Variants in SEMA4D observed in about 807,000 individuals in gnomAD.
The protein encoded by SEMA4D is semaphorin-4D.
Under a neutral mutation model 74.8 loss-of-function variants are expected in SEMA4D, and 22 were observed. The observed-to-expected ratio is 0.29, with a 90% CI of 0.21 to 0.42. The LOEUF is 0.42. Ranked by LOEUF, SEMA4D falls within the 10% of genes least tolerant of loss-of-function variation. The pLI, the probability that SEMA4D is intolerant of heterozygous loss-of-function variation, is 1.00. For synonymous variants in SEMA4D, 445 were observed against 463.7 expected (o/e 0.96, Z 0.52); for missense variants, 937 against 1,118.4 (o/e 0.84, Z 2.31).
chr9:89,446,518 AAAC>A (rs1234599658), intron 2 of SEMA4D, among the ~76,000 whole-genome samples: 1 of 152,174 alleles, frequency 6.6e-6, no homozygotes, highest in Non-Finnish European at 1.5e-5. Flanking sequence ...GGGCTAAAGA[AAAC>A]AAGAAACACC....
chr9:89,396,597 C>T, intron 6 of SEMA4D, 140 bp downstream of exon 6: 1 of 716,242 alleles, frequency 1.4e-6, no homozygotes, highest in Non-Finnish European at 2.3e-6. Context: ...CCACAAGCTG[C>T]CCCCGTTTTC....
intron 1 of SEMA4D, among the ~76,000 whole-genome samples, chr9:89,463,240 C>T (rs941100461): frequency 1.3e-5 from 2 of 152,152 alleles, no homozygotes; most frequent in Non-Finnish European, 1.5e-5. Context: ...CTCCAAACCA[C>T]CTGCTACTAT....
intron 1 of SEMA4D, among the ~76,000 whole-genome samples, chr9:89,474,153 C>G (rs150002064): frequency 0.013 from 1,944 of 152,324 alleles, 35 homozygotes; most frequent in African/African-American, 0.044. Context: ...CCCACCTCCC[C>G]CTTTGGTTGC....
chr9:89,493,087 C>T (rs911164941), intron 1 of SEMA4D, among the ~76,000 whole-genome samples: 1 of 152,194 alleles, frequency 6.6e-6, no homozygotes, highest in East Asian at 1.9e-4. Flanking sequence ...GAAACTTCAT[C>T]AAGTGGACAA....
intron 13 of SEMA4D, chr9:89,385,738 C>A: frequency 2.4e-6 from 1 of 418,318 alleles, no homozygotes; most frequent in Non-Finnish European, 3.2e-6. Context: ...GACAGGGGCC[C>A]TCTTCCTCTG....
At chr9:89,461,700 C>CTCTCTCTCTT (rs71281350) in intron 1 of SEMA4D, among the ~76,000 whole-genome samples, 1 of 103,646 alleles carries the variant, frequency 9.6e-6, no homozygotes, top group African/African-American at 3.5e-5. Context: ...TCTTTTTTCT[C>CTCTCTCTCTT]TTTTTTTTTT....
intron 2 of SEMA4D, among the ~76,000 whole-genome samples, chr9:89,428,403 C>T (rs1270918525): frequency 6.6e-6 from 1 of 152,244 alleles, no homozygotes; most frequent in Non-Finnish European, 1.5e-5. Context: ...GCCAAGAGCC[C>T]AGTGCCATGC....
intron 1 of SEMA4D, among the ~76,000 whole-genome samples, chr9:89,471,403 C>T (rs943818761): frequency 1.3e-5 from 2 of 152,084 alleles, no homozygotes; most frequent in African/African-American, 4.8e-5. Flanking sequence ...TGTTCTTCCA[C>T]AAGAATAGAT....
At chr9:89,469,895 T>G (rs1169848932) in intron 1 of SEMA4D, among the ~76,000 whole-genome samples, 1 of 152,098 alleles carries the variant, frequency 6.6e-6, no homozygotes, top group Non-Finnish European at 1.5e-5. Context: ...ACCAGAAGTC[T>G]TGGCTAAAGA....
intron 8 of SEMA4D, 36 bp downstream of exon 8, chr9:89,392,387 A>G (rs1840052150): frequency 3.5e-6 from 5 of 1,424,594 alleles, no homozygotes; most frequent in Non-Finnish European, 5.0e-6. Context: ...ATGAGGAGAC[A>G]CGCACCTCCC....
intron 2 of SEMA4D, among the ~76,000 whole-genome samples, chr9:89,440,290 C>A (rs920520686): frequency 1.3e-5 from 2 of 152,192 alleles, no homozygotes; most frequent in African/African-American, 4.8e-5. Flanking sequence ...TCCTCTCCAG[C>A]CCCTGTGCCT....
At chr9:89,432,399 G>A (rs374270719) in intron 2 of SEMA4D, among the ~76,000 whole-genome samples, 26 of 152,104 alleles carry the variant, frequency 1.7e-4, no homozygotes, top group Admixed American at 2.6e-4. Flanking sequence ...TGATCAGGGC[G>A]GCCACAGTAA....
At chr9:89,404,014 C>T (rs1842733152) in intron 3 of SEMA4D, among the ~76,000 whole-genome samples, 1 of 152,214 alleles carries the variant, frequency 6.6e-6, no homozygotes, top group South Asian at 2.1e-4. Context: ...GCAGCAGGTC[C>T]TCTCTCTCAG....
At chr9:89,441,228 G>A (rs1193517613) in intron 2 of SEMA4D, among the ~76,000 whole-genome samples, 2 of 152,204 alleles carry the variant, frequency 1.3e-5, no homozygotes, top group African/African-American at 4.8e-5. Context: ...CAGACCTTAC[G>A]AATACCAACC....
intron 2 of SEMA4D, among the ~76,000 whole-genome samples, chr9:89,448,758 C>T (rs1853596121): frequency 6.6e-6 from 1 of 152,194 alleles, no homozygotes; most frequent in Admixed American, 6.5e-5. Context: ...AAAAATGGGC[C>T]ATTTTGAGGG....
intron 2 of SEMA4D, among the ~76,000 whole-genome samples, chr9:89,444,551 T>A (rs1015336397): frequency 6.6e-6 from 1 of 152,276 alleles, no homozygotes; most frequent in East Asian, 1.9e-4. Context: ...GTCATTCAAT[T>A]CATTGGTCAA....
At chr9:89,462,298 G>A (rs923314011) in intron 1 of SEMA4D, among the ~76,000 whole-genome samples, 5 of 152,214 alleles carry the variant, frequency 3.3e-5, no homozygotes, top group East Asian at 1.9e-4. Context: ...ATTTAAATAC[G>A]GTGCTATTAT....
intron 2 of SEMA4D, among the ~76,000 whole-genome samples, chr9:89,430,702 C>A (rs1035909544): frequency 1.3e-5 from 2 of 152,232 alleles, no homozygotes; most frequent in African/African-American, 4.8e-5. Context: ...ATGGGCCGAG[C>A]GTGGTGGCCC....
intron 3 of SEMA4D, among the ~76,000 whole-genome samples, chr9:89,404,826 TC>T (rs1842957544): frequency 7.4e-6 from 1 of 135,498 alleles, no homozygotes; most frequent in Admixed American, 7.4e-5. Context: ...GGAAGTGGGG[TC>T]CCCATCCCAT....
Sources: gnomAD v4.1 joint callset for allele counts (sites outside exome capture counted in the v4.1 genomes callset) on GRCh38, gnomAD v4.1.1 for gene constraint, MANE v1.5 for transcripts, NCBI Gene and HGNC (gene_info 2026-07-23, HGNC 2026-07-21) for gene names.